Variants in SLC25A48 observed in about 807,000 individuals in gnomAD.
The protein encoded by SLC25A48 is CTC-321K16.1.
In SLC25A48, 29 loss-of-function variants were observed where a neutral mutation model predicts 32.2. That is an observed-to-expected ratio of 0.90 (90% CI 0.67 to 1.23). The LOEUF (loss-of-function observed/expected upper bound fraction) is 1.23. Among genes scored for constraint, SLC25A48 ranks in the 50% most tolerant of loss-of-function variants. The pLI is 0.00. For synonymous variants in SLC25A48, 164 were observed against 172.3 expected, an observed-to-expected ratio of 0.95 and a Z score of 0.38; for missense variants, 399 against 422.7, an observed-to-expected ratio of 0.94 and a Z score of 0.49.
intron 3 of SLC25A48, among the ~76,000 whole-genome samples, chr5:135,660,399 C>T (rs1378396064): frequency 6.6e-6 from 1 of 152,202 alleles, no homozygotes; most frequent in Non-Finnish European, 1.5e-5. Flanking sequence ...TTTTGAAAGA[C>T]ATGGTATTCA....
At chr5:135,607,765 G>T (rs1384094568) in intron 1 of SLC25A48, among the ~76,000 whole-genome samples, 1 of 152,172 alleles carries the variant, frequency 6.6e-6, no homozygotes, top group African/African-American at 2.4e-5. Flanking sequence ...TCATCTTGGT[G>T]ACTTCAACAG....
At position 135,869,464 on chromosome 5, in the gene SLC25A48, G is replaced by C. The variant is rs1761473893; in HGVS notation, c.422-1997G>C. ...TGTTGACAAGGCCAGTTGGAGGTTT[G>C]GTGGGTGTTTTCCCATCTGTACTTT... On this transcript the variant is annotated intron_variant, in intron 4 of 7. Coordinates refer to ENST00000681962, the MANE Select transcript of SLC25A48 (RefSeq NM_001349336.2). Among the ~76,000 whole-genome samples the C allele has an allele frequency of 5.3e-5, 8 of 152,294 alleles. No individual in the cohort carries two copies. In the Middle Eastern group the frequency reaches 0.014, roughly 259 times the overall value.
intron 3 of SLC25A48, among the ~76,000 whole-genome samples, chr5:135,660,572 CCT>C (rs1753373181): frequency 6.6e-6 from 1 of 152,152 alleles, no homozygotes; most frequent in Non-Finnish European, 1.5e-5. Context: ...TTGAATTCTA[CCT>C]ATCAAAATTA....
intron 3 of SLC25A48, among the ~76,000 whole-genome samples, chr5:135,677,447 A>T (rs1286797723): frequency 9.2e-5 from 14 of 151,844 alleles, no homozygotes; most frequent in Admixed American, 9.2e-4. Context: ...GTTATTGTTG[A>T]TATGTGAGGT....
chr5:135,611,181 A>C (rs1752054636), intron 1 of SLC25A48, among the ~76,000 whole-genome samples: 2 of 152,202 alleles, frequency 1.3e-5, no homozygotes, highest in South Asian at 4.1e-4. Context: ...AATGGTTAAA[A>C]ATTGTAAATG....
intron 3 of SLC25A48, among the ~76,000 whole-genome samples, chr5:135,761,117 A>G (rs1354636244): frequency 6.6e-6 from 1 of 152,080 alleles, no homozygotes; most frequent in African/African-American, 2.4e-5. Flanking sequence ...CCTGAGCAAC[A>G]TGGTGAGACC....
intron 1 of SLC25A48, among the ~76,000 whole-genome samples, chr5:135,620,056 A>AGT (rs1358386770): frequency 3.3e-5 from 5 of 152,274 alleles, no homozygotes; most frequent in African/African-American, 1.2e-4. Context: ...GGGCAGCAGG[A>AGT]GTGGCATGAG....
chr5:135,844,897 G>A (rs539626389), intron 2 of SLC25A48, among the ~76,000 whole-genome samples: 1 of 152,118 alleles, frequency 6.6e-6, no homozygotes, highest in Non-Finnish European at 1.5e-5. Context: ...CTAGCATCTC[G>A]GCAAGGAAAA....
At chr5:135,862,158 C>G (rs1406297497) in intron 4 of SLC25A48, among the ~76,000 whole-genome samples, 1 of 152,262 alleles carries the variant, frequency 6.6e-6, no homozygotes, top group African/African-American at 2.4e-5. Context: ...TGAGCCTGAG[C>G]TAGAAGTCAG....
rs1754095781 is a variant in SLC25A48 at position 135,689,567 on chromosome 5, C to A, written c.-521+54611C>A. 1.3e-5 allele frequency among the ~76,000 whole-genome samples: 2 copies of A among 152,070 alleles called. 1 individual carries two copies. The highest frequency in any genetic ancestry group is 1.3e-4 in the Admixed American group (2 of 15,266). On this transcript the variant is annotated intron_variant, in intron 3 of 10. Transcript: ENST00000646290. Reference sequence around the variant, plus strand: ...ACAGAGTCCTACAGTAATAGAGGTGCCTTTTCAAAGATCTATTTTGTGCAT... The same window carrying A: ...ACAGAGTCCTACAGTAATAGAGGTGACTTTTCAAAGATCTATTTTGTGCAT...
chr5:135,735,262 C>T (rs1037003827), intron 3 of SLC25A48, among the ~76,000 whole-genome samples: 2 of 152,114 alleles, frequency 1.3e-5, no homozygotes, highest in African/African-American at 2.4e-5. Context: ...GTAATTGTAA[C>T]TTTTCTCTAT....
intron 3 of SLC25A48, among the ~76,000 whole-genome samples, chr5:135,738,380 G>T (rs1455944829): frequency 1.3e-5 from 2 of 152,154 alleles, no homozygotes; most frequent in African/African-American, 2.4e-5. Flanking sequence ...AAGCACAGCT[G>T]AGAGGAATGG....
At chr5:135,623,893 A>G (rs758185369) in intron 1 of SLC25A48, among the ~76,000 whole-genome samples, 4 of 152,130 alleles carry the variant, frequency 2.6e-5, no homozygotes, top group Non-Finnish European at 5.9e-5. Flanking sequence ...TGCTGTTGCT[A>G]TGGCCTCTGT....
At chr5:135,873,195 G>A (rs1291968586) in intron 5 of SLC25A48, among the ~76,000 whole-genome samples, 1 of 152,204 alleles carries the variant, frequency 6.6e-6, no homozygotes, top group African/African-American at 2.4e-5. Context: ...GATAGGCTGA[G>A]GGCCAAGGGC....
chr5:135,585,590 G>A (rs1340713437), intron 1 of SLC25A48, among the ~76,000 whole-genome samples: 2 of 152,158 alleles, frequency 1.3e-5, no homozygotes, highest in African/African-American at 2.4e-5. Flanking sequence ...ACAGGGCCGG[G>A]CACACAGTAG....
At chr5:135,733,395 G>A (rs1218414313) in intron 3 of SLC25A48, among the ~76,000 whole-genome samples, 1 of 152,188 alleles carries the variant, frequency 6.6e-6, no homozygotes, top group South Asian at 2.1e-4. Flanking sequence ...GGAATAATGT[G>A]GGAGGCCGGA....
chr5:135,718,527 G>A (rs1326271051), intron 3 of SLC25A48, among the ~76,000 whole-genome samples: 3 of 152,222 alleles, frequency 2.0e-5, no homozygotes, highest in Non-Finnish European at 2.9e-5. Context: ...ATGCTGAAAT[G>A]AGAATTATAG....
At chr5:135,877,303 T>C (rs985155919) in intron 6 of SLC25A48, among the ~76,000 whole-genome samples, 7 of 152,114 alleles carry the variant, frequency 4.6e-5, no homozygotes, top group African/African-American at 1.7e-4. Flanking sequence ...TTGGTAATCT[T>C]GGCTCCAAGG....
At chr5:135,811,829 C>T (rs758023871) in intron 3 of SLC25A48, among the ~76,000 whole-genome samples, 3 of 152,178 alleles carry the variant, frequency 2.0e-5, no homozygotes, top group Non-Finnish European at 2.9e-5. Flanking sequence ...TGCCTATAAG[C>T]TCAGCACTTT....
Sources: gnomAD v4.1 joint callset for allele counts (sites outside exome capture counted in the v4.1 genomes callset) on GRCh38, gnomAD v4.1.1 for gene constraint, MANE v1.5 for transcripts, NCBI Gene and HGNC (gene_info 2026-07-23, HGNC 2026-07-21) for gene names.